Variants in VWDE observed in about 807,000 individuals in gnomAD.
The protein encoded by VWDE is von Willebrand factor D and EGF domain-containing protein.
Under a neutral mutation model 178.4 loss-of-function variants are expected in VWDE, and 207 were observed. The observed-to-expected ratio is 1.16, with a 90% CI of 1.04 to 1.30. The LOEUF is 1.30. Among genes scored for constraint, VWDE ranks in the 50% most tolerant of loss-of-function variants. The pLI, the probability that VWDE is intolerant of heterozygous loss-of-function variation, is 0.00. For synonymous variants in VWDE, 738 were observed against 651.4 expected, an observed-to-expected ratio of 1.13 and a Z score of -2.02; for missense variants, 2,287 against 1,901.3, an observed-to-expected ratio of 1.20 and a Z score of -3.77.
chr7:12,386,354 C>T (rs1464807970), intron 3 of VWDE, among the ~76,000 whole-genome samples: 2 of 152,178 alleles, frequency 1.3e-5, no homozygotes, highest in African/African-American at 4.8e-5. Flanking sequence ...TCTTAGTAAA[C>T]AGACTGCCAG....
intron 17 of VWDE, among the ~76,000 whole-genome samples, chr7:12,356,822 C>T (rs941422847): frequency 6.6e-6 from 1 of 152,196 alleles, no homozygotes; most frequent in Non-Finnish European, 1.5e-5. Context: ...TCATGACTGA[C>T]ATAATCAAAA....
At chr7:12,400,861 T>A (rs1021305811) in intron 1 of VWDE, among the ~76,000 whole-genome samples, 4 of 152,076 alleles carry the variant, frequency 2.6e-5, no homozygotes, top group African/African-American at 9.7e-5. Context: ...ATAGAAAAAT[T>A]ATGACCAAGT....
chr7:12,361,696 T>C (rs1316236510), intron 13 of VWDE, among the ~76,000 whole-genome samples, 175 bp from the exon 14 acceptor site: 1 of 152,032 alleles, frequency 6.6e-6, no homozygotes, highest in Non-Finnish European at 1.5e-5. Flanking sequence ...ACGAAAAACA[T>C]ATATATGTTA....
intron 28 of VWDE, 73 bp from the exon 29 acceptor site, chr7:12,331,270 G>T: frequency 6.9e-6 from 9 of 1,304,524 alleles, no homozygotes; most frequent in South Asian, 1.4e-5. Context: ...ATTATTTGTT[G>T]CCTCCTTCCC....
In VWDE at chr7:12,346,902, A is replaced by G. The variant is rs1583284135; in HGVS notation, c.3887-2433T>C. Among the ~76,000 whole-genome samples, 3 of 152,130 alleles carry G rather than the reference A, an allele frequency of 2.0e-5. No individual in the cohort carries two copies. The East Asian group carries it at 5.8e-4, about 29-fold the overall frequency. ...TGTAAATCAAACCAAAACCAGAAAAAGACAGAAGAAAATGAACCAAAAACA... is the reference window on the plus strand; with the variant it reads ...TGTAAATCAAACCAAAACCAGAAAAGGACAGAAGAAAATGAACCAAAAACA... On this transcript the variant is annotated intron_variant, in intron 19 of 28. Transcript: ENST00000275358.
intron 7 of VWDE, among the ~76,000 whole-genome samples, chr7:12,376,803 C>T (rs527587187): frequency 6.6e-6 from 1 of 152,176 alleles, no homozygotes; most frequent in African/African-American, 2.4e-5. Flanking sequence ...AGCCTGCTTA[C>T]TGTTAACAAT....
At chr7:12,397,422 A>T (rs1784682637) in intron 1 of VWDE, among the ~76,000 whole-genome samples, 1 of 152,202 alleles carries the variant, frequency 6.6e-6, no homozygotes. Context: ...AATTAACTTA[A>T]GATGGATTAA....
chr7:12,361,235 T>A lies in VWDE; in HGVS notation c.3071A>T (p.Tyr1024Phe). The A allele has an allele frequency of 6.5e-7, 1 of 1,547,084 alleles. No individual in the cohort carries two copies. The highest frequency in any genetic ancestry group is 8.7e-7 in the Non-Finnish European group (1 of 1,143,578). ...CGTTATTTTGGGATTACTGAATTTA[T>A]AACCATCATTAGATACCTGTAACAT... ...KWQLKVSNDG[Y>F]KFSNPKITVI... The change falls in exon 15 of 29, where the codon TAT becomes TTT. Residue 1024 changes from tyrosine (Y) to phenylalanine (F), a missense_variant. Physicochemically the swap from Tyr to Phe is conservative, Grantham distance 22. Coordinates refer to ENST00000275358, the MANE Select transcript of VWDE (RefSeq NM_001135924.3).
rs761228911 is a variant in VWDE at position 12,370,128 on chromosome 7, C to T, written c.2178G>A (p.Leu726=). ...GGCCTTGTGTATATTTCTTATTGGC[C>T]AAATATTGTAGTGAATCTTCTTTCT... ...GNEKEDSLQY[L]ANKKYTQGRG... The change falls in exon 12 of 29, where the codon TTG becomes TTA. Residue 726 remains leucine, a synonymous_variant. Coordinates refer to ENST00000275358, the MANE Select transcript of VWDE (RefSeq NM_001135924.3). 1.9e-6 allele frequency: 3 copies of T among 1,551,496 alleles called. No homozygotes were observed. Among genetic ancestry groups the T allele is most frequent in the Middle Eastern group, 3.3e-4 (2 of 5,992 alleles).
intron 1 of VWDE, 131 bp from the exon 2 acceptor site, chr7:12,393,909 G>C (rs1029830992): frequency 3.1e-6 from 2 of 649,010 alleles, no homozygotes; most frequent in Non-Finnish European, 4.8e-6. Context: ...AAGACCCTCT[G>C]AAATGTCAGG....
In VWDE at chr7:12,336,806, A is replaced by AT. The variant is rs143796241; in HGVS notation, c.4558+181dup. 5.5e-3 allele frequency among the ~76,000 whole-genome samples: 840 copies of AT among 152,340 alleles called. 7 individuals carry two copies. The highest frequency in any genetic ancestry group is 0.019 in the African/African-American group (798 of 41,580). On this transcript the variant is annotated intron_variant, in intron 26 of 28. Transcript: ENST00000275358. ...TATCCTCTTCTGCTAACCTGAAAGA[A>AT]TGAGTTCAGAAGAGTAAAAACTCTT...
intron 28 of VWDE, among the ~76,000 whole-genome samples, chr7:12,332,847 G>A (rs975357994): frequency 5.9e-5 from 9 of 152,070 alleles, no homozygotes; most frequent in Admixed American, 2.0e-4. Context: ...TGGTACTCCA[G>A]CATACTTTTA....
rs1780681083 is a variant in VWDE, at chr7:12,330,893, G to A, written c.*290C>T. On this transcript the variant is annotated 3_prime_UTR_variant, in exon 29 of 29. Transcript: ENST00000275358. Reference sequence around the variant, plus strand: ...TGCAGACATAGTCACAGTTAGGGCTGAGAAAATATTCAGTTTATTAAATAT... The same window carrying A: ...TGCAGACATAGTCACAGTTAGGGCTAAGAAAATATTCAGTTTATTAAATAT... The A allele has an allele frequency of 6.5e-6, 2 of 306,254 alleles. No homozygotes were observed. The highest frequency in any genetic ancestry group is 1.2e-5 in the Non-Finnish European group (2 of 165,368). 19.0% of individuals were successfully genotyped at this position (306,254 alleles called of 1,614,324 possible).
chr7:12,388,338 T>G (rs932871782), intron 3 of VWDE, among the ~76,000 whole-genome samples: 11 of 152,254 alleles, frequency 7.2e-5, no homozygotes, highest in African/African-American at 2.2e-4. Context: ...TTAACTGCAA[T>G]CACTTGATTA....
At chr7:12,386,170 A>C (rs1424768209) in intron 3 of VWDE, among the ~76,000 whole-genome samples, 2 of 152,204 alleles carry the variant, frequency 1.3e-5, no homozygotes, top group Admixed American at 1.3e-4. Context: ...TGGTAATATT[A>C]TAGGAAGATG....
chr7:12,357,283 T>C lies in VWDE; in HGVS notation c.3507A>G (p.Glu1169=). ...TVRLNDDCDA[E]TRVTIEVTVK... ...AGATTACCTCAATCGTGACTCTAGT[T>C]TCAGCATCGCAGTCATCATTAAGGC... is the stretch of plus-strand genomic sequence containing the variant. Residue 1169 remains glutamate (E), a synonymous_variant, in exon 17 of 29, where the codon GAA becomes GAG. Coordinates refer to ENST00000275358, the MANE Select transcript of VWDE (RefSeq NM_001135924.3). The C allele has an allele frequency of 5.2e-6, 8 of 1,552,278 alleles. No homozygotes were observed. The highest frequency in any genetic ancestry group is 7.0e-6 in the Non-Finnish European group (8 of 1,147,082).
At chr7:12,331,594 A>G (rs1327844423) in intron 28 of VWDE, among the ~76,000 whole-genome samples, 6 of 152,026 alleles carry the variant, frequency 3.9e-5, no homozygotes, top group Admixed American at 3.9e-4. Flanking sequence ...ATTGGATGTA[A>G]TTAGTTACAA....
intron 28 of VWDE, among the ~76,000 whole-genome samples, chr7:12,332,991 G>C (rs562420251): frequency 6.6e-6 from 1 of 152,194 alleles, no homozygotes; most frequent in African/African-American, 2.4e-5. Flanking sequence ...ATGAGAGAGA[G>C]AGAGATTATT....
chr7:12,343,261 A>G, intron 21 of VWDE, 83 bp from the exon 22 acceptor site: 1 of 996,472 alleles, frequency 1.0e-6, no homozygotes, highest in Non-Finnish European at 1.5e-6. Context: ...TCACAATAAA[A>G]TCTTGTTGTA....
Sources: allele counts gnomAD v4.1 joint callset (sites outside exome capture counted in the v4.1 genomes callset), GRCh38; gene constraint gnomAD v4.1.1; transcripts MANE v1.5; gene names NCBI Gene and HGNC (gene_info 2026-07-23, HGNC 2026-07-21).